DRICH1: variants seen among roughly 807,000 people sequenced by gnomAD.
DRICH1 encodes the protein aspartate-rich protein 1.
Under a neutral mutation model 39.5 loss-of-function variants are expected in DRICH1, and 38 were observed. That is an observed-to-expected ratio of 0.96 (90% confidence interval 0.74 to 1.26). The LOEUF (loss-of-function observed/expected upper bound fraction) is 1.26. DRICH1 is among the 50% of genes most tolerant of loss of function. DRICH1 has a pLI of 0.00. For missense variants in DRICH1, 279 were observed against 270.4 expected (o/e 1.03, Z -0.22); for synonymous variants, 84 against 99.5 (o/e 0.84, Z 0.93).
rs1361977931 is a variant in DRICH1 at position 23,631,906 on chromosome 22, C to A, written c.118G>T (p.Glu40Ter). Reference sequence around the variant, plus strand: ...TTGCCAGGCTCTACAGTAGTGGATTCTGATGTTGCAGCAGCCACAGTCTCA... The same window carrying A: ...TTGCCAGGCTCTACAGTAGTGGATTATGATGTTGCAGCAGCCACAGTCTCA... ...IYETVAAATS[E>*]STTVEPGKLD... Residue 40 changes from glutamate (E) to a stop codon, truncating the protein, a stop_gained, in exon 1 of 12, where the codon GAA becomes TAA. Transcript: ENST00000317749. LOFTEE classifies it high-confidence loss of function. 3 of 1,613,434 alleles carry A rather than the reference C, an allele frequency of 1.9e-6. No individual in the cohort carries two copies. Among genetic ancestry groups the A allele is most frequent in the Non-Finnish European group, 2.5e-6 (3 of 1,180,048 alleles).
intron 11 of DRICH1, among the ~76,000 whole-genome samples, chr22:23,609,931 C>G (rs1156637475): frequency 6.6e-6 from 1 of 152,164 alleles, no homozygotes; most frequent in Non-Finnish European, 1.5e-5. Flanking sequence ...TGCTTCCCCT[C>G]CCTGGGCATC....
intron 11 of DRICH1, among the ~76,000 whole-genome samples, chr22:23,612,403 C>T (rs2123763706): frequency 7.1e-6 from 1 of 140,508 alleles, no homozygotes; most frequent in African/African-American, 2.7e-5. Flanking sequence ...GGAGGCGGAG[C>T]TTGCAGTGAG....
chr22:23,582,555 C>CTTTA, the DRICH1 span, among the ~76,000 whole-genome samples: 23 of 143,880 alleles, frequency 1.6e-4, 1 homozygote, highest in South Asian at 2.9e-3. Flanking sequence ...CCTTCAGGGG[C>CTTTA]TTATTATTAT....
At chr22:23,587,360 C>A in the DRICH1 span, among the ~76,000 whole-genome samples, 1 of 152,220 alleles carries the variant, frequency 6.6e-6, no homozygotes, top group African/African-American at 2.4e-5. Flanking sequence ...GATCCCAGAA[C>A]CCTGCTTCCA....
chr22:23,592,715 A>T, the DRICH1 span, among the ~76,000 whole-genome samples: 18 of 152,208 alleles, frequency 1.2e-4, 1 homozygote, highest in South Asian at 2.7e-3. Flanking sequence ...TAAGACTTCC[A>T]GCCAGGTGGC....
chr22:23,587,317 G>T, the DRICH1 span, among the ~76,000 whole-genome samples: 1 of 152,186 alleles, frequency 6.6e-6, no homozygotes, highest in African/African-American at 2.4e-5. Context: ...TGGCATAACC[G>T]GGAATCTGGA....
At chr22:23,611,963 GA>G (rs1927062045) in intron 11 of DRICH1, among the ~76,000 whole-genome samples, 1 of 152,186 alleles carries the variant, frequency 6.6e-6, no homozygotes, top group South Asian at 2.1e-4. Context: ...AAGAGTCCGT[GA>G]GGATTTGGAG....
At chr22:23,599,748 TGCCCCCAG>T in the DRICH1 span, among the ~76,000 whole-genome samples, 1 of 152,158 alleles carries the variant, frequency 6.6e-6, no homozygotes, top group East Asian at 1.9e-4. Context: ...AGGTTGCCAC[TGCCCCCAG>T]GCCACCTTTG....
intron 2 of DRICH1, among the ~76,000 whole-genome samples, chr22:23,625,608 A>T (rs1250799066): frequency 6.6e-6 from 1 of 152,170 alleles, no homozygotes; most frequent in East Asian, 1.9e-4. Flanking sequence ...CATAAGTCAA[A>T]TACTTGAAGA....
At chr22:23,607,540 G>GA (rs540568001), downstream of DRICH1, among the ~76,000 whole-genome samples, 19 of 151,454 alleles carry the variant, frequency 1.3e-4, no homozygotes, top group Admixed American at 5.3e-4. Context: ...GGCGGGGGCG[G>GA]GGGGGGGCCT....
chr22:23,614,496 C>G (rs994914723), intron 8 of DRICH1, among the ~76,000 whole-genome samples: 1 of 152,150 alleles, frequency 6.6e-6, no homozygotes, highest in Non-Finnish European at 1.5e-5. Context: ...TGGAAGAGTG[C>G]CTTCCTCCCT....
At chr22:23,623,189 G>A (rs578040022) in intron 3 of DRICH1, among the ~76,000 whole-genome samples, 261 of 152,150 alleles carry the variant, frequency 1.7e-3, no homozygotes, top group African/African-American at 5.7e-3. Context: ...GGCAGATCAC[G>A]ACATCAAAAG....
rs553541890 is a variant in DRICH1, at chr22:23,614,271, C to T, written c.542-57G>A. ...CGGTGGTTGGTGACTCTGAGTCACTCGGGGAGCTTTGCTGGATGTGGTGTA... is the reference window on the plus strand; with the variant it reads ...CGGTGGTTGGTGACTCTGAGTCACTTGGGGAGCTTTGCTGGATGTGGTGTA... On this transcript the variant is annotated intron_variant, in intron 8 of 11. Coordinates refer to ENST00000317749, the MANE Select transcript of DRICH1 (RefSeq NM_016449.4). 5.5e-6 allele frequency: 7 copies of T among 1,269,508 alleles called. No homozygotes were observed. In the Admixed American group the frequency reaches 6.8e-5, roughly 12 times the overall value. 78.6% of individuals were successfully genotyped at this position (1,269,508 alleles called of 1,614,324 possible).
At chr22:23,626,638 A>G (rs1248867690) in intron 1 of DRICH1, among the ~76,000 whole-genome samples, 1 of 152,074 alleles carries the variant, frequency 6.6e-6, no homozygotes, top group Non-Finnish European at 1.5e-5. Context: ...TAAGAGACAA[A>G]AACTCTGCAA....
the DRICH1 span, chr22:23,581,378 T>C: frequency 6.6e-6 from 1 of 152,240 alleles, no homozygotes; most frequent in Non-Finnish European, 1.5e-5. Context: ...TGAGCACCTG[T>C]GCTGGGCGGC....
chr22:23,627,030 A>C (rs1860403815), intron 1 of DRICH1, among the ~76,000 whole-genome samples: 2 of 150,154 alleles, frequency 1.3e-5, no homozygotes, highest in Admixed American at 1.3e-4. Flanking sequence ...CATAAGGCTG[A>C]TGGGCCATTG....
At chr22:23,616,663 A>T (rs1003953622) in intron 8 of DRICH1, among the ~76,000 whole-genome samples, 190 bp downstream of exon 8, 1 of 152,144 alleles carries the variant, frequency 6.6e-6, no homozygotes, top group Non-Finnish European at 1.5e-5. Context: ...TGGCTCACAC[A>T]AAATCTCCTG....
At chr22:23,604,551 A>C (rs1926630695), downstream of DRICH1, among the ~76,000 whole-genome samples, 2 of 152,044 alleles carry the variant, frequency 1.3e-5, no homozygotes, top group South Asian at 4.2e-4. Flanking sequence ...CCTGCAGGAC[A>C]CTGAGACCCT....
At position 23,632,085 on chromosome 22, in the gene DRICH1, C is replaced by G. The variant is rs1324566586; in HGVS notation, c.-62G>C. On this transcript the variant is annotated 5_prime_UTR_variant, in exon 1 of 12. Coordinates refer to ENST00000317749, the MANE Select transcript of DRICH1 (RefSeq NM_016449.4). ...TTCAGCGAAATTGTAACTGTGCTGC[C>G]CTAGCAGCCACACTACTGAGGGTGG... 6.2e-7 allele frequency: 1 copy of G among 1,602,594 alleles called. No individual in the cohort carries two copies. Among genetic ancestry groups the G allele is most frequent in the Non-Finnish European group, 8.5e-7 (1 of 1,174,776 alleles).
Sources: gnomAD v4.1 joint callset for allele counts (sites outside exome capture counted in the v4.1 genomes callset) on GRCh38, gnomAD v4.1.1 for gene constraint, MANE v1.5 for transcripts, NCBI Gene and HGNC (gene_info 2026-07-23, HGNC 2026-07-21) for gene names.